Variants in MN1 observed in about 807,000 individuals in gnomAD.
MN1 encodes transcriptional activator MN1.
Under a neutral mutation model 86.9 loss-of-function variants are expected in MN1, and 19 were observed. That is an observed-to-expected ratio of 0.22 (90% confidence interval 0.15 to 0.32). The LOEUF (loss-of-function observed/expected upper bound fraction) is 0.32, where lower values mean the gene tolerates loss of function less well. MN1 is among the 10% of genes least tolerant of loss of function. The pLI, the probability that MN1 is intolerant of heterozygous loss-of-function variation, is 1.00. For missense variants in MN1, 1,841 were observed against 1,862.0 expected, an observed-to-expected ratio of 0.99 and a Z score of 0.21; for synonymous variants, 928 against 849.6, an observed-to-expected ratio of 1.09 and a Z score of -1.60.
chr22:27,801,414 A>G lies in MN1; in HGVS notation c.-871T>C, dbSNP rs540203491. Reference sequence around the variant, plus strand: ...GCCGTTGGGTGTCTGAGTTCGCCGGAGTCTCCGCGCACCGTTGCAGGCGCG... The same window carrying G: ...GCCGTTGGGTGTCTGAGTTCGCCGGGGTCTCCGCGCACCGTTGCAGGCGCG... On this transcript the variant is annotated 5_prime_UTR_variant, in exon 1 of 2. Transcript: ENST00000302326. The G allele has an allele frequency of 4.7e-6, 1 of 210,850 alleles. No individual in the cohort carries two copies. The highest frequency in any genetic ancestry group is 9.6e-6 in the Non-Finnish European group (1 of 103,714). 13.1% of individuals were successfully genotyped at this position (210,850 alleles called of 1,614,324 possible).
intron 1 of MN1, among the ~76,000 whole-genome samples, chr22:27,781,332 C>T (rs528957960): frequency 6.6e-6 from 1 of 152,198 alleles, no homozygotes; most frequent in Non-Finnish European, 1.5e-5. Context: ...AGTAGTGAGG[C>T]CTGTCCTGTG....
Position 27,799,989 on chromosome 22 carries a change from G to T in MN1, c.555C>A (p.Ala185=), listed in dbSNP as rs200302401. ...DFHSSGASSH[A]VPAPCLPLDQ... is the part of the protein sequence containing the mutation. ...CCAGCGGCAGGCATGGGGCCGGCAC[G>T]GCGTGGCTGGAGGCACCTGAACTGT... Residue 185 remains alanine (A), a synonymous_variant, in exon 1 of 2, where the codon GCC becomes GCA. Transcript: ENST00000302326. The T allele has an allele frequency of 5.7e-4, 915 of 1,603,860 alleles. 4 individuals are homozygous for T. In the African/African-American group the frequency reaches 0.011, roughly 19 times the overall value.
chr22:27,774,119 GAT>G (rs1932946836), intron 1 of MN1, among the ~76,000 whole-genome samples: 1 of 152,148 alleles, frequency 6.6e-6, no homozygotes, highest in Non-Finnish European at 1.5e-5. Context: ...GCAGAGAAAT[GAT>G]CCCACTTTCC....
rs1271397057 is a variant in MN1 at position 27,800,254 on chromosome 22, G to A, written c.290C>T (p.Pro97Leu). 5.0e-6 allele frequency: 8 copies of A among 1,584,444 alleles called. No individual in the cohort carries two copies. Among genetic ancestry groups the A allele is most frequent in the Non-Finnish European group, 6.9e-6 (8 of 1,166,326 alleles). Residue 97 changes from proline to leucine, a missense_variant, in exon 1 of 2, where the codon CCT becomes CTT. Physicochemically the swap from Pro to Leu is moderately conservative, Grantham distance 98. Transcript: ENST00000302326. Reference protein sequence around the residue: ...PVHGFFGGQQPHHGHPGSHHP... With the variant: ...PVHGFFGGQQLHHGHPGSHHP... ...ATGACTTCCCGGGTGGCCGTGGTGA[G>A]GCTGCTGGCCGCCAAAGAAGCCGTG...
intron 1 of MN1, among the ~76,000 whole-genome samples, chr22:27,772,796 T>A (rs13056513): frequency 6.6e-6 from 1 of 151,880 alleles, no homozygotes; most frequent in African/African-American, 2.4e-5. Context: ...AACACACTCA[T>A]CAGGGTTTGG....
chr22:27,770,252 C>T (rs1440743795), intron 1 of MN1, among the ~76,000 whole-genome samples: 4 of 152,198 alleles, frequency 2.6e-5, no homozygotes, highest in Non-Finnish European at 5.9e-5. Flanking sequence ...ATTTTAGAAC[C>T]ACTGAAAGGA....
chr22:27,761,804 G>T (rs1382705305), intron 1 of MN1, among the ~76,000 whole-genome samples: 1 of 152,242 alleles, frequency 6.6e-6, no homozygotes, highest in Non-Finnish European at 1.5e-5. Flanking sequence ...GCTGGGCCAG[G>T]CCCCTGGAAG....
At chr22:27,785,064 AC>A (rs1933106280) in intron 1 of MN1, among the ~76,000 whole-genome samples, 2 of 148,922 alleles carry the variant, frequency 1.3e-5, no homozygotes, top group African/African-American at 5.0e-5. Flanking sequence ...CGCCACACAC[AC>A]ACACACACAC....
intron 1 of MN1, among the ~76,000 whole-genome samples, chr22:27,795,440 T>A (rs952445295): frequency 6.6e-6 from 1 of 151,574 alleles, no homozygotes; most frequent in Non-Finnish European, 1.5e-5. Context: ...GGTCAAGACA[T>A]GGCAGGATGT....
chr22:27,774,378 T>A (rs1462558182), intron 1 of MN1, among the ~76,000 whole-genome samples: 2 of 152,144 alleles, frequency 1.3e-5, no homozygotes, highest in East Asian at 3.9e-4. Flanking sequence ...CTGAAGAAGC[T>A]GGCATTTCCT....
chr22:27,777,886 AAAAG>A (rs1273202888), intron 1 of MN1, among the ~76,000 whole-genome samples: 5 of 152,030 alleles, frequency 3.3e-5, no homozygotes, highest in Admixed American at 2.0e-4. Flanking sequence ...CCAAAAAAAA[AAAAG>A]AAAGAAAGAA....
intron 1 of MN1, among the ~76,000 whole-genome samples, chr22:27,787,628 C>T (rs887380860): frequency 5.3e-5 from 8 of 152,182 alleles, no homozygotes; most frequent in African/African-American, 1.9e-4. Context: ...CCTACAAGGT[C>T]TGTGAAAGCC....
In MN1 at chr22:27,800,883, A is replaced by C. The variant is rs1933425180; in HGVS notation, c.-340T>G. 1.8e-5 allele frequency: 7 copies of C among 385,576 alleles called. No individual in the cohort carries two copies. Among genetic ancestry groups the C allele is most frequent in the Non-Finnish European group, 2.4e-5 (5 of 209,394 alleles). The allele number at this position is 385,576 out of a possible 1,614,324, so 23.9% of individuals were successfully genotyped here. A position where few individuals can be genotyped will look rare whatever the true frequency, so the allele number is the denominator to read the frequency against. ...GAAGCCGCGGATGAACGGAGACAAA[A>C]AGTTAAGTGGGGGGAATGGGGAGGG... On this transcript the variant is annotated 5_prime_UTR_variant, in exon 1 of 2. Coordinates refer to ENST00000302326, the MANE Select transcript of MN1 (RefSeq NM_002430.3).
intron 1 of MN1, among the ~76,000 whole-genome samples, chr22:27,756,814 G>A (rs922844996): frequency 6.6e-6 from 1 of 152,138 alleles, no homozygotes; most frequent in African/African-American, 2.4e-5. Flanking sequence ...GGAGTGCAGT[G>A]GCACAATCAT....
chr22:27,754,971 G>A (rs370675035), intron 1 of MN1, among the ~76,000 whole-genome samples: 15 of 152,260 alleles, frequency 9.9e-5, no homozygotes, highest in East Asian at 7.7e-4. Flanking sequence ...TTCACCCCCC[G>A]ACCCTGCACA....
chr22:27,779,388 C>G (rs746139273), intron 1 of MN1, among the ~76,000 whole-genome samples: 5 of 152,148 alleles, frequency 3.3e-5, no homozygotes, highest in Non-Finnish European at 7.4e-5. Context: ...GCTAGGGGTT[C>G]GAACCACTGT....
At chr22:27,772,435 C>T (rs1266582925) in intron 1 of MN1, among the ~76,000 whole-genome samples, 2 of 152,156 alleles carry the variant, frequency 1.3e-5, no homozygotes, top group Admixed American at 1.3e-4. Context: ...AGGAGGGAGA[C>T]GGTCATGAAA....
At chr22:27,773,984 G>A (rs371654499) in intron 1 of MN1, among the ~76,000 whole-genome samples, 13 of 152,094 alleles carry the variant, frequency 8.5e-5, no homozygotes, top group Admixed American at 2.0e-4. Context: ...AGTATCTCTC[G>A]CCACCCCCAC....
In MN1 at chr22:27,798,382, A is replaced by G. The variant is rs1933348406; in HGVS notation, c.2162T>C (p.Leu721Pro). The G allele has an allele frequency of 6.7e-7, 1 of 1,502,704 alleles. No homozygotes were observed. Among genetic ancestry groups the G allele is most frequent in the Non-Finnish European group, 8.8e-7 (1 of 1,135,156 alleles). The allele number at this position is 1,502,704 out of a possible 1,614,324, so 93.1% of individuals were successfully genotyped here. A position where few individuals can be genotyped will look rare whatever the true frequency, so the allele number is the denominator to read the frequency against. ...CCGGCGCTCCGAAGCAGCGCTGGGGAGCCCCACGCCCGCCCCGGGCGACTG... is the reference window on the plus strand; with the variant it reads ...CCGGCGCTCCGAAGCAGCGCTGGGGGGCCCCACGCCCGCCCCGGGCGACTG... ...QLQSPGAGVG[L>P]PSAASERRPP... is the part of the protein sequence containing the mutation. The change falls in exon 1 of 2, where the codon CTC becomes CCC. Residue 721 changes from leucine to proline, a missense_variant. Leu to Pro is a moderately conservative substitution (Grantham distance 98, BLOSUM62 -3). Transcript: ENST00000302326.
Sources: allele counts gnomAD v4.1 joint callset (sites outside exome capture counted in the v4.1 genomes callset), GRCh38; gene constraint gnomAD v4.1.1; transcripts MANE v1.5; gene names NCBI Gene and HGNC (gene_info 2026-07-23, HGNC 2026-07-21).